Variants in PIN4 observed in about 807,000 individuals in gnomAD.
The protein encoded by PIN4 is peptidyl-prolyl cis-trans isomerase NIMA-interacting 4.
Under a neutral mutation model 8.3 loss-of-function variants are expected in PIN4, and 3 were observed. The ratio of observed to expected loss-of-function variants is 0.36; its 90% CI spans 0.16 to 0.93. The LOEUF is 0.93. PIN4 is among the 40% of genes least tolerant of loss of function. PIN4 has a pLI of 0.44. For missense variants in PIN4, 75 were observed against 100.6 expected, an observed-to-expected ratio of 0.75 and a Z score of 1.09; for synonymous variants, 18 against 32.5, an observed-to-expected ratio of 0.55 and a Z score of 1.52.
intron 3 of PIN4, among the ~76,000 whole-genome samples, chrX:72,261,311 A>C (rs1429938962): frequency 2.8e-5 from 3 of 108,936 alleles, no homozygotes; most frequent in East Asian, 5.8e-4. Context: ...AAAAAAAAAA[A>C]AAAACCAAAA....
intron 1 of PIN4, among the ~76,000 whole-genome samples, chrX:72,184,368 T>C (rs969665444): frequency 1.7e-4 from 19 of 112,236 alleles, no homozygotes; most frequent in African/African-American, 6.1e-4. Flanking sequence ...CAGGAGGTTA[T>C]AGCCAGAGAC....
intron 3 of PIN4, chrX:72,204,964 A>G: frequency 5.2e-6 from 5 of 966,475 alleles, no homozygotes; most frequent in East Asian, 3.2e-5. Context: ...GGGAACAAAA[A>G]TTCCCTCATA....
intron 3 of PIN4, among the ~76,000 whole-genome samples, chrX:72,259,928 G>T (rs1393550308): frequency 9.4e-6 from 1 of 106,317 alleles, no homozygotes; most frequent in Non-Finnish European, 1.9e-5. Context: ...TAGTATAGAC[G>T]GGGTTTCACC....
At chrX:72,253,661 C>T (rs924694999) in intron 3 of PIN4, among the ~76,000 whole-genome samples, 2 of 106,226 alleles carry the variant, frequency 1.9e-5, no homozygotes, top group East Asian at 3.0e-4. Context: ...CAACGCGGGG[C>T]GTGGTGGCTC....
intron 3 of PIN4, among the ~76,000 whole-genome samples, chrX:72,246,137 C>G (rs2043066523): frequency 9.0e-6 from 1 of 111,578 alleles, no homozygotes; most frequent in Non-Finnish European, 1.9e-5. Context: ...CCTAGACCTG[C>G]TCTCTCAATA....
At chrX:72,185,736 G>T (rs1448804201) in intron 1 of PIN4, among the ~76,000 whole-genome samples, 1 of 112,573 alleles carries the variant, frequency 8.9e-6, no homozygotes. Flanking sequence ...ATGGTTCTAG[G>T]AAGACATCAA....
intron 3 of PIN4, among the ~76,000 whole-genome samples, chrX:72,245,161 G>T (rs3012641): frequency 0.45 from 45,635 of 101,817 alleles, 10,206 homozygotes; most frequent in East Asian, 0.98. Context: ...CAGTAATAAT[G>T]TATTTATGAG....
At chrX:72,235,389 CTTTTTT>C (rs144267277) in intron 3 of PIN4, among the ~76,000 whole-genome samples, 2 of 68,570 alleles carry the variant, frequency 2.9e-5, no homozygotes, top group Non-Finnish European at 2.5e-5. Context: ...CCCTCTTCCA[CTTTTTT>C]TTTTTTTTTT....
chrX:72,220,286 C>A (rs2042915483), intron 3 of PIN4, among the ~76,000 whole-genome samples: 1 of 111,283 alleles, frequency 9.0e-6, no homozygotes, highest in Admixed American at 9.6e-5. Flanking sequence ...ATTAAAACCA[C>A]ATTGAAATAT....
At chrX:72,185,668 G>A (rs191146677) in intron 1 of PIN4, among the ~76,000 whole-genome samples, 1,200 of 112,105 alleles carry the variant, frequency 0.011, 9 homozygotes, top group Middle Eastern at 0.028. Flanking sequence ...GGCTGCCATT[G>A]ACACAGAAGT....
At chrX:72,239,966 T>G (rs1287024358) in intron 3 of PIN4, among the ~76,000 whole-genome samples, 1 of 104,333 alleles carries the variant, frequency 9.6e-6, no homozygotes, top group East Asian at 3.0e-4. Flanking sequence ...TTTATTTTCT[T>G]AAAAAGAGAG....
intron 3 of PIN4, among the ~76,000 whole-genome samples, chrX:72,226,804 C>A (rs369547505): frequency 1.8e-5 from 2 of 111,684 alleles, no homozygotes; most frequent in African/African-American, 3.3e-5. Flanking sequence ...ACAAGTCAAA[C>A]CCCCATACTG....
intron 3 of PIN4, chrX:72,205,130 ACT>A: frequency 8.3e-7 from 1 of 1,210,914 alleles, no homozygotes; most frequent in Non-Finnish European, 1.1e-6. Flanking sequence ...ATTTTTCCAC[ACT>A]CTTTTAGTTC....
chrX:72,223,616 T>G (rs1015101740), intron 3 of PIN4, among the ~76,000 whole-genome samples: 3 of 110,866 alleles, frequency 2.7e-5, no homozygotes, highest in Admixed American at 9.6e-5. Context: ...CTCAAACTCC[T>G]GACCTCAGGT....
At chrX:72,225,715 C>T (rs2042949980) in intron 3 of PIN4, among the ~76,000 whole-genome samples, 1 of 111,631 alleles carries the variant, frequency 9.0e-6, no homozygotes, top group Non-Finnish European at 1.9e-5. Flanking sequence ...ACTCCCACTC[C>T]AGCCCTTTAT....
intron 2 of PIN4, among the ~76,000 whole-genome samples, chrX:72,187,096 C>T (rs2042707614): frequency 9.0e-6 from 1 of 111,231 alleles, no homozygotes; most frequent in Non-Finnish European, 1.9e-5. Context: ...TAGATCTTCC[C>T]AGTAATTGAG....
At chrX:72,255,273 AAATAATAATAAT>A (rs760269851) in intron 3 of PIN4, among the ~76,000 whole-genome samples, 5 of 96,399 alleles carry the variant, frequency 5.2e-5, no homozygotes, top group Non-Finnish European at 8.0e-5. Flanking sequence ...CCATCTCTAA[AAATAATAATAAT>A]AATAATAATA....
intron 3 of PIN4, among the ~76,000 whole-genome samples, chrX:72,204,017 G>A (rs1424376223): frequency 8.9e-6 from 1 of 112,262 alleles, no homozygotes; most frequent in Non-Finnish European, 1.9e-5. Context: ...GGTGCATTAA[G>A]AATGGCTAAA....
chrX:72,230,183 T>TA (rs563210083), intron 3 of PIN4, among the ~76,000 whole-genome samples: 1,807 of 101,674 alleles, frequency 0.018, 40 homozygotes, highest in African/African-American at 0.054. Context: ...TCAAAAAAAA[T>TA]AAAAAAAAAA....
Sources: gnomAD v4.1 joint callset for allele counts (sites outside exome capture counted in the v4.1 genomes callset) on GRCh38, gnomAD v4.1.1 for gene constraint, MANE v1.5 for transcripts, NCBI Gene and HGNC (gene_info 2026-07-23, HGNC 2026-07-21) for gene names.